Variants in ABCG2 observed in about 807,000 individuals in gnomAD.
The protein encoded by ABCG2 is ATP binding cassette subfamily G member 2 (JR blood group), also known as broad substrate specificity ATP-binding cassette transporter ABCG2.
In ABCG2, 80 loss-of-function variants were observed where a neutral mutation model predicts 73.5. That is an observed-to-expected ratio of 1.09 (90% confidence interval 0.91 to 1.31). The LOEUF (loss-of-function observed/expected upper bound fraction) is 1.31. Among genes scored for constraint, ABCG2 ranks in the 50% most tolerant of loss-of-function variants. ABCG2 has a pLI of 0.00. For missense variants in ABCG2, 796 were observed against 786.2 expected (o/e 1.01, Z -0.15); for synonymous variants, 269 against 282.4 (o/e 0.95, Z 0.48).
At position 88,131,926 on chromosome 4, in the gene ABCG2, G is replaced by A. The variant is rs1418077337; in HGVS notation, c.264-9C>T. The stretch of plus-strand genomic sequence containing the variant: ...CTAAGACATCTAATAACCTATAAGA[G>A]GACATATATGTTGTGGGTCTAATAA... On this transcript the variant is annotated splice_polypyrimidine_tract_variant and intron_variant, in intron 3 of 15. Transcript: ENST00000237612. 2 of 1,594,210 alleles carry A rather than the reference G, an allele frequency of 1.3e-6. No homozygotes were observed. Among genetic ancestry groups the A allele is most frequent in the Non-Finnish European group, 1.7e-6 (2 of 1,162,304 alleles).
intron 1 of ABCG2, among the ~76,000 whole-genome samples, chr4:88,211,113 T>A (rs6842010): frequency 0.19 from 28,288 of 150,412 alleles, 2,854 homozygotes; most frequent in African/African-American, 0.24. Context: ...ATAAAAAAAA[T>A]ATATATATAT....
At chr4:88,115,144 G>A in intron 7 of ABCG2, 86 bp from the exon 8 acceptor site, 1 of 823,912 alleles carries the variant, frequency 1.2e-6, no homozygotes, top group South Asian at 1.6e-5. Flanking sequence ...GGGAGGTAAG[G>A]CTAGAGAAGA....
At chr4:88,214,306 T>C (rs372204050) in intron 1 of ABCG2, among the ~76,000 whole-genome samples, 100 of 152,118 alleles carry the variant, frequency 6.6e-4, no homozygotes, top group African/African-American at 2.3e-3. Flanking sequence ...CTCAAAAATA[T>C]TCCTCTTGAT....
chr4:88,148,855 G>A (rs1319961973), intron 1 of ABCG2, among the ~76,000 whole-genome samples: 1 of 152,152 alleles, frequency 6.6e-6, no homozygotes, highest in African/African-American at 2.4e-5. Flanking sequence ...GATCATTCAT[G>A]TTAACCCAAA....
chr4:88,224,865 G>C (rs370708716), intron 1 of ABCG2, among the ~76,000 whole-genome samples: 101 of 152,214 alleles, frequency 6.6e-4, no homozygotes, highest in African/African-American at 2.4e-3. Flanking sequence ...TTTTTGTATA[G>C]GGTGTAAGGT....
chr4:88,146,067 G>T (rs1329390916), intron 1 of ABCG2, among the ~76,000 whole-genome samples: 1 of 152,156 alleles, frequency 6.6e-6, no homozygotes, highest in Non-Finnish European at 1.5e-5. Flanking sequence ...CAGAGGCAAT[G>T]ACAGTGGGGA....
intron 1 of ABCG2, among the ~76,000 whole-genome samples, chr4:88,166,275 C>T (rs758831593): frequency 5.3e-5 from 8 of 152,170 alleles, no homozygotes; most frequent in African/African-American, 1.4e-4. Context: ...ACCTGAATGA[C>T]GAATTGCATA....
upstream of ABCG2, chr4:88,163,673 G>T: frequency 3.4e-6 from 1 of 294,762 alleles, no homozygotes; most frequent in South Asian, 3.4e-5. Context: ...ATTCACAAGC[G>T]CATTCATAGA....
chr4:88,179,639 C>A (rs930367227), intron 1 of ABCG2, among the ~76,000 whole-genome samples: 1 of 152,080 alleles, frequency 6.6e-6, no homozygotes, highest in Admixed American at 6.6e-5. Context: ...TAGCTGTTTT[C>A]AGGAAATTCA....
intron 1 of ABCG2, among the ~76,000 whole-genome samples, chr4:88,201,209 CA>C (rs3061250): frequency 0.011 from 1,199 of 106,258 alleles, 8 homozygotes; most frequent in African/African-American, 0.033. Context: ...GCACTAACTG[CA>C]AAAAAAAAAA....
chr4:88,164,797 A>C (rs1253290666), intron 1 of ABCG2, among the ~76,000 whole-genome samples: 1 of 152,102 alleles, frequency 6.6e-6, no homozygotes, highest in African/African-American at 2.4e-5. Flanking sequence ...TTTGTTTTTG[A>C]GACAGAGTCT....
At chr4:88,177,378 A>T (rs946374355) in intron 1 of ABCG2, among the ~76,000 whole-genome samples, 1 of 122,242 alleles carries the variant, frequency 8.2e-6, no homozygotes, top group Non-Finnish European at 1.7e-5. Context: ...GTCTCAAAAT[A>T]AAAAAAAATT....
At chr4:88,175,067 G>A (rs1423854198) in intron 1 of ABCG2, among the ~76,000 whole-genome samples, 1 of 152,174 alleles carries the variant, frequency 6.6e-6, no homozygotes, top group African/African-American at 2.4e-5. Context: ...GAGACACAGT[G>A]AGAAAATAAA....
At chr4:88,211,028 G>C (rs530149313) in intron 1 of ABCG2, among the ~76,000 whole-genome samples, 2 of 151,980 alleles carry the variant, frequency 1.3e-5, no homozygotes, top group African/African-American at 4.8e-5. Flanking sequence ...AGTGCCCTGT[G>C]ACTGCACCAG....
At chr4:88,228,723 C>T (rs951265092) in intron 1 of ABCG2, among the ~76,000 whole-genome samples, 1 of 152,156 alleles carries the variant, frequency 6.6e-6, no homozygotes. Context: ...TGTAAACGCA[C>T]CAATCAGCAC....
rs1186645537 is a variant in ABCG2 at position 88,220,862 on chromosome 4, T to C, written c.-20+10132A>G. Among the ~76,000 whole-genome samples the C allele has an allele frequency of 3.3e-5, 5 of 152,298 alleles. No individual in the cohort carries two copies. In the East Asian group the frequency reaches 5.8e-4, roughly 18 times the overall value. ...TTTGCTCAGCACTTCTCCTTCCTGA[T>C]ACCATGTGAAGAAGGACATGTTTGC... On this transcript the variant is annotated intron_variant, in intron 1 of 15. Transcript: ENST00000515655.
chr4:88,092,242 A>G lies in ABCG2; in HGVS notation c.1960T>C (p.Tyr654His). ...AYLKLLFLKK[Y>H]S ...CTGAATTAAGGGGAAATTTAAGAATATTTTTTAAGAAATAACAATTTCAGG... is the reference window on the plus strand; with the variant it reads ...CTGAATTAAGGGGAAATTTAAGAATGTTTTTTAAGAAATAACAATTTCAGG... The change falls in exon 16 of 16, where the codon TAT becomes CAT. Residue 654 changes from tyrosine to histidine, a missense_variant. Tyr to His is a moderately conservative substitution (Grantham distance 83). Coordinates refer to ENST00000237612, the MANE Select transcript of ABCG2 (RefSeq NM_004827.3). 1 of 1,605,858 alleles carries G rather than the reference A, an allele frequency of 6.2e-7. No individual in the cohort carries two copies. Among genetic ancestry groups the G allele is most frequent in the Non-Finnish European group, 8.5e-7 (1 of 1,175,114 alleles).
At chr4:88,097,784 A>G (rs1222953512) in intron 12 of ABCG2, among the ~76,000 whole-genome samples, 177 bp from the exon 13 acceptor site, 1 of 152,254 alleles carries the variant, frequency 6.6e-6, no homozygotes, top group Non-Finnish European at 1.5e-5. Context: ...ATGTAACTGC[A>G]TAAAGTTCTC....
chr4:88,122,974 G>A (rs1369631677), intron 5 of ABCG2, among the ~76,000 whole-genome samples: 3 of 152,132 alleles, frequency 2.0e-5, no homozygotes, highest in African/African-American at 7.2e-5. Context: ...AAAAAAACAG[G>A]CAGCAATCTT....
Sources: allele counts gnomAD v4.1 joint callset (sites outside exome capture counted in the v4.1 genomes callset), GRCh38; gene constraint gnomAD v4.1.1; transcripts MANE v1.5; gene names NCBI Gene and HGNC (gene_info 2026-07-23, HGNC 2026-07-21).